ROBO1: variants seen among roughly 807,000 people sequenced by gnomAD.
ROBO1 encodes roundabout guidance receptor 1.
ROBO1 carries 149 observed loss-of-function variants against 195.9 expected under a neutral mutation model. The observed-to-expected ratio is 0.76, with a 90% confidence interval of 0.67 to 0.87. The LOEUF (loss-of-function observed/expected upper bound fraction) is 0.87. Among genes scored for constraint, ROBO1 ranks in the 40% least tolerant of loss-of-function variants. The probability of loss-of-function intolerance (pLI) is 0.00; values close to 1 mark genes in which losing one functional copy is unlikely to be tolerated. For synonymous variants in ROBO1, 816 were observed against 733.2 expected (o/e 1.11, Z -1.82); for missense variants, 1,933 against 2,068.3 (o/e 0.93, Z 1.27).
intron 10 of ROBO1, among the ~76,000 whole-genome samples, chr3:78,683,994 A>C (rs1294973246): frequency 6.6e-6 from 1 of 152,072 alleles, no homozygotes; most frequent in African/African-American, 2.4e-5. Context: ...TATTTCCAAT[A>C]TACATATCTG....
At chr3:79,054,327 C>T (rs1481308744) in intron 3 of ROBO1, among the ~76,000 whole-genome samples, 4 of 152,036 alleles carry the variant, frequency 2.6e-5, no homozygotes, top group Admixed American at 6.6e-5. Flanking sequence ...TGAACTATAC[C>T]CTGATTTTTT....
intron 2 of ROBO1, among the ~76,000 whole-genome samples, chr3:79,319,012 T>C (rs2033862007): frequency 6.6e-6 from 1 of 152,222 alleles, no homozygotes; most frequent in South Asian, 2.1e-4. Flanking sequence ...CAAGTGCAGT[T>C]TTGTTACATA....
intron 4 of ROBO1, among the ~76,000 whole-genome samples, chr3:78,763,406 G>A (rs1337060870): frequency 1.3e-5 from 2 of 151,994 alleles, no homozygotes; most frequent in South Asian, 4.1e-4. Context: ...CTTGTTTAAT[G>A]TATGTGGTAC....
intron 4 of ROBO1, among the ~76,000 whole-genome samples, chr3:78,872,072 T>G (rs1443558631): frequency 6.6e-6 from 1 of 152,202 alleles, no homozygotes; most frequent in Non-Finnish European, 1.5e-5. Flanking sequence ...GGGCCTTATT[T>G]TATTGCAACT....
chr3:79,560,762 C>G (rs1056411491), intron 2 of ROBO1, among the ~76,000 whole-genome samples: 1 of 151,710 alleles, frequency 6.6e-6, no homozygotes, highest in Non-Finnish European at 1.5e-5. Context: ...ATATAACATG[C>G]CTTTTGCAAA....
intron 2 of ROBO1, among the ~76,000 whole-genome samples, chr3:79,467,528 T>A (rs1938029833): frequency 6.7e-6 from 1 of 149,658 alleles, no homozygotes; most frequent in South Asian, 2.1e-4. Context: ...AGAGAAGGAG[T>A]GTCTGAATGT....
intron 1 of ROBO1, among the ~76,000 whole-genome samples, chr3:79,764,786 G>A (rs867718461): frequency 1.4e-4 from 22 of 152,176 alleles, no homozygotes; most frequent in African/African-American, 5.1e-4. Context: ...TATTTGAATT[G>A]ATTCTACTAT....
chr3:79,395,779 C>T (rs2037133318), intron 2 of ROBO1, among the ~76,000 whole-genome samples: 1 of 151,998 alleles, frequency 6.6e-6, no homozygotes, highest in African/African-American at 2.4e-5. Flanking sequence ...TCTTTATTTG[C>T]TGTTAAGACA....
At chr3:79,550,197 A>AAG (rs1553762955) in intron 2 of ROBO1, among the ~76,000 whole-genome samples, 4 of 19,298 alleles carry the variant, frequency 2.1e-4, no homozygotes, top group South Asian at 1.7e-3. Context: ...GAAAGAAAGG[A>AAG]AAAGAAAAGA....
At chr3:78,793,382 T>C (rs1362453705) in intron 4 of ROBO1, among the ~76,000 whole-genome samples, 1 of 152,230 alleles carries the variant, frequency 6.6e-6, no homozygotes, top group East Asian at 1.9e-4. Context: ...ATTTGGTTCC[T>C]TCATTTTAAA....
intron 3 of ROBO1, among the ~76,000 whole-genome samples, chr3:79,055,728 G>A (rs2078794234): frequency 6.6e-6 from 1 of 152,024 alleles, no homozygotes; most frequent in Non-Finnish European, 1.5e-5. Context: ...AACATGAAGG[G>A]ATTACTAAAC....
intron 2 of ROBO1, among the ~76,000 whole-genome samples, chr3:79,433,572 A>C (rs895541959): frequency 6.6e-6 from 1 of 152,002 alleles, no homozygotes; most frequent in Non-Finnish European, 1.5e-5. Flanking sequence ...AATTAAAACA[A>C]GGTTCCATGT....
intron 1 of ROBO1, among the ~76,000 whole-genome samples, chr3:79,599,241 A>G (rs1292465657): frequency 1.3e-5 from 2 of 152,056 alleles, no homozygotes; most frequent in Non-Finnish European, 2.9e-5. Flanking sequence ...GCCTGAAAAG[A>G]GTCAAACTAA....
rs142711685 is a variant in ROBO1 at position 79,376,978 on chromosome 3, T to A, written c.88+212846A>T. Reference sequence around the variant, plus strand: ...AAACACATACATGCAACCACAGTACTGTTTGGGGGAAATAAAAATATATAA... The same window carrying A: ...AAACACATACATGCAACCACAGTACAGTTTGGGGGAAATAAAAATATATAA... On this transcript the variant is annotated intron_variant, in intron 2 of 30. Coordinates refer to ENST00000464233, the MANE Select transcript of ROBO1 (RefSeq NM_002941.4). Among the ~76,000 whole-genome samples the A allele has an allele frequency of 2.6e-3, 402 of 152,232 alleles. 1 individual carries two copies. The highest frequency in any genetic ancestry group is 9.2e-3 in the African/African-American group (384 of 41,546).
chr3:78,743,143 T>TATC (rs1397116216), intron 5 of ROBO1, among the ~76,000 whole-genome samples: 39 of 152,310 alleles, frequency 2.6e-4, no homozygotes, highest in Middle Eastern at 3.4e-3. Flanking sequence ...CATTATTTTT[T>TATC]ATCTAGTGTA....
At chr3:78,978,312 A>C (rs982737172) in intron 3 of ROBO1, among the ~76,000 whole-genome samples, 1 of 152,148 alleles carries the variant, frequency 6.6e-6, no homozygotes, top group African/African-American at 2.4e-5. Flanking sequence ...CCTTTCAACC[A>C]AATAACCCTG....
At chr3:79,658,517 T>C (rs1946236404) in intron 1 of ROBO1, among the ~76,000 whole-genome samples, 1 of 152,126 alleles carries the variant, frequency 6.6e-6, no homozygotes, top group Admixed American at 6.6e-5. Flanking sequence ...TTAACATTAA[T>C]GTGTTAAAAT....
chr3:79,395,340 A>AAAGAAAG (rs1553733529), intron 2 of ROBO1, among the ~76,000 whole-genome samples: 2 of 119,082 alleles, frequency 1.7e-5, no homozygotes, highest in Non-Finnish European at 3.4e-5. Flanking sequence ...AAAAAAAAAA[A>AAAGAAAG]AAAGAAAGAA....
chr3:79,075,863 A>G (rs746712886), intron 3 of ROBO1, among the ~76,000 whole-genome samples: 3 of 151,870 alleles, frequency 2.0e-5, no homozygotes. Context: ...TAGTATAACA[A>G]CATAAATTCA....
Sources: allele counts gnomAD v4.1 joint callset (sites outside exome capture counted in the v4.1 genomes callset), GRCh38; gene constraint gnomAD v4.1.1; transcripts MANE v1.5; gene names NCBI Gene and HGNC (gene_info 2026-07-23, HGNC 2026-07-21).